Variants in UBAP2 observed in about 807,000 individuals in gnomAD.
UBAP2 encodes ubiquitin associated protein 2, also known as ubiquitin-associated protein 2.
UBAP2 carries 75 observed loss-of-function variants against 139.6 expected under a neutral mutation model. The observed-to-expected ratio is 0.54, with a 90% CI of 0.45 to 0.65. The LOEUF is 0.65. Among genes scored for constraint, UBAP2 ranks in the 30% least tolerant of loss-of-function variants. The pLI is 0.00. For missense variants in UBAP2, 1,368 were observed against 1,369.6 expected (o/e 1.00, Z 0.02); for synonymous variants, 526 against 526.2 (o/e 1.00, Z 0.01).
chr9:33,931,130 A>C (rs1476205371), intron 19 of UBAP2, among the ~76,000 whole-genome samples: 4 of 152,184 alleles, frequency 2.6e-5, no homozygotes, highest in Non-Finnish European at 5.9e-5. Context: ...GGGTCCACTT[A>C]CAGGCAGATT....
intron 11 of UBAP2, among the ~76,000 whole-genome samples, chr9:33,955,731 G>A (rs1422147344): frequency 6.6e-6 from 1 of 151,712 alleles, no homozygotes; most frequent in Non-Finnish European, 1.5e-5. Context: ...GAGGCTTGAG[G>A]CAGGAGAATC....
At chr9:33,955,550 C>T (rs113824960) in intron 11 of UBAP2, among the ~76,000 whole-genome samples, 29,150 of 151,086 alleles carry the variant, frequency 0.19, 2,919 homozygotes, top group South Asian at 0.36. Context: ...AAAAAAGGGC[C>T]AGGTGTGGTG....
intron 1 of UBAP2, among the ~76,000 whole-genome samples, chr9:34,044,090 C>CA (rs74180528): frequency 5.2e-4 from 44 of 85,138 alleles, no homozygotes; most frequent in East Asian, 1.1e-3. Flanking sequence ...AACTCCACCT[C>CA]AAAAAAAAAA....
At chr9:34,024,303 T>C (rs985723734) in intron 1 of UBAP2, among the ~76,000 whole-genome samples, 18 of 150,602 alleles carry the variant, frequency 1.2e-4, no homozygotes, top group African/African-American at 3.2e-4. Context: ...AATTGCGCCA[T>C]TGCACTCCAG....
chr9:34,031,310 A>G (rs2131331255), intron 1 of UBAP2, among the ~76,000 whole-genome samples: 1 of 151,586 alleles, frequency 6.6e-6, no homozygotes, highest in East Asian at 2.0e-4. Context: ...CTTGGCCAAC[A>G]TGGCAAAACC....
intron 1 of UBAP2, among the ~76,000 whole-genome samples, chr9:34,028,395 T>TA (rs57289299): frequency 3.3e-5 from 5 of 151,550 alleles, no homozygotes; most frequent in African/African-American, 9.7e-5. Context: ...TTTATTTATT[T>TA]TGAGATGGAG....
intron 4 of UBAP2, chr9:33,994,753 C>T (rs1220715482): frequency 6.6e-6 from 1 of 151,790 alleles, no homozygotes; most frequent in African/African-American, 2.4e-5. Context: ...TACTGCTACA[C>T]TCAAACAGTG....
At chr9:34,033,539 A>G (rs1020917317) in intron 1 of UBAP2, among the ~76,000 whole-genome samples, 18 of 152,038 alleles carry the variant, frequency 1.2e-4, no homozygotes, top group African/African-American at 4.3e-4. Context: ...ACTATTTGAT[A>G]GCACAATAGG....
rs1822514075 is a variant in UBAP2 at position 33,999,634 on chromosome 9, T to C, written c.100-770A>G. On this transcript the variant is annotated intron_variant, in intron 2 of 28. Coordinates refer to ENST00000379238, the MANE Select transcript of UBAP2 (RefSeq NM_001370062.2). Reference sequence around the variant, plus strand: ...CTGGTCTTGAACTCCTGGGCTCAAGTGATCCTCCCACCTCAGCCTCCCAAA... The same window carrying C: ...CTGGTCTTGAACTCCTGGGCTCAAGCGATCCTCCCACCTCAGCCTCCCAAA... Among the ~76,000 whole-genome samples, 8 of 151,812 alleles carry C rather than the reference T, an allele frequency of 5.3e-5. No individual in the cohort carries two copies. The South Asian group carries it at 1.5e-3, about 28-fold the overall frequency.
chr9:34,028,361 C>T lies in UBAP2; in HGVS notation c.-41-11172G>A, dbSNP rs183599391. On this transcript the variant is annotated intron_variant, in intron 1 of 28. Coordinates refer to ENST00000379238, the MANE Select transcript of UBAP2 (RefSeq NM_001370062.2). ...CTGCTAATTCAGCTGTAAACCCTGT[C>T]TTATTTATTTATTTATTTATTTATT... Among the ~76,000 whole-genome samples the T allele has an allele frequency of 9.7e-5, 14 of 144,112 alleles. No individual in the cohort carries two copies. The East Asian group carries it at 2.9e-3, about 30-fold the overall frequency. The allele number at this position is 144,112 out of a possible 152,430, so 94.5% of individuals were successfully genotyped here. A position where few individuals can be genotyped will look rare whatever the true frequency, so the allele number is the denominator to read the frequency against.
intron 23 of UBAP2, 57 bp downstream of exon 23, chr9:33,924,149 C>T: frequency 6.2e-7 from 1 of 1,602,884 alleles, no homozygotes; most frequent in Non-Finnish European, 8.5e-7. Context: ...CTTCCCAGCT[C>T]CTGGAGTTCG....
intron 1 of UBAP2, among the ~76,000 whole-genome samples, chr9:34,027,667 C>T (rs1825519627): frequency 6.6e-6 from 1 of 151,050 alleles, no homozygotes; most frequent in South Asian, 2.1e-4. Flanking sequence ...ACCATCCTGG[C>T]TAACACGGCG....
intron 11 of UBAP2, among the ~76,000 whole-genome samples, chr9:33,955,181 C>CAAA (rs57984537): frequency 7.0e-4 from 86 of 122,092 alleles, no homozygotes; most frequent in African/African-American, 2.5e-3. Context: ...TTCATTCTGT[C>CAAA]AAAAAAAAAA....
chr9:33,978,329 G>GT (rs1303911432), intron 6 of UBAP2, among the ~76,000 whole-genome samples: 1 of 151,938 alleles, frequency 6.6e-6, no homozygotes, highest in African/African-American at 2.4e-5. Context: ...AGCCACAGTA[G>GT]TTTGAGATCA....
intron 21 of UBAP2, 108 bp downstream of exon 21, chr9:33,926,881 A>G (rs760509013): frequency 1.5e-4 from 177 of 1,151,350 alleles, no homozygotes; most frequent in Non-Finnish European, 2.1e-4. Context: ...TCAGGGATGG[A>G]AGGGCAGCTC....
chr9:33,964,219 G>A (rs1827283193), intron 8 of UBAP2, among the ~76,000 whole-genome samples: 1 of 152,128 alleles, frequency 6.6e-6, no homozygotes, highest in South Asian at 2.1e-4. Flanking sequence ...GAGCCTATAA[G>A]GCTGAGTCCT....
chr9:34,048,394 G>T (rs994535816), intron 1 of UBAP2, among the ~76,000 whole-genome samples: 1 of 152,210 alleles, frequency 6.6e-6, no homozygotes, highest in African/African-American at 2.4e-5. Flanking sequence ...GGCTATAACA[G>T]GGCCAGTCCC....
At chr9:33,993,825 T>C (rs568580086) in intron 4 of UBAP2, among the ~76,000 whole-genome samples, 3 of 152,162 alleles carry the variant, frequency 2.0e-5, no homozygotes, top group South Asian at 4.1e-4. Context: ...AAGTCAGATA[T>C]AGCCCACACT....
chr9:33,944,429 G>A lies in UBAP2; in HGVS notation c.1481C>T (p.Ser494Phe), dbSNP rs759621967. 2 of 1,614,176 alleles carry A rather than the reference G, an allele frequency of 1.2e-6. No individual in the cohort carries two copies. Among genetic ancestry groups the A allele is most frequent in the South Asian group, 1.1e-5 (1 of 91,080 alleles). The change falls in exon 14 of 29, where the codon TCT becomes TTT. Residue 494 changes from serine (S) to phenylalanine (F), a missense_variant. By Grantham distance (155) the Ser-to-Phe change is radical (BLOSUM62 -2). Coordinates refer to ENST00000379238, the MANE Select transcript of UBAP2 (RefSeq NM_001370062.2). ...GTGTTTGGGCTGTGGCTGGTGGACA[G>A]ACACAGAGATATTTTCAATGGTCGT... ...PSTTIENISV[S>F]VHQPQPKHIK...
Sources: gnomAD v4.1 joint callset for allele counts (sites outside exome capture counted in the v4.1 genomes callset) on GRCh38, gnomAD v4.1.1 for gene constraint, MANE v1.5 for transcripts, NCBI Gene and HGNC (gene_info 2026-07-23, HGNC 2026-07-21) for gene names.